The following GTF2I variants were observed in gnomAD, a reference collection of about 807,000 sequenced individuals.
GTF2I encodes the protein general transcription factor IIi.
A neutral mutation model predicts 67.6 loss-of-function variants in GTF2I; 12 were observed. The ratio of observed to expected loss-of-function variants is 0.18; its 90% confidence interval spans 0.11 to 0.29. The LOEUF is 0.29. Ranked by LOEUF, GTF2I falls within the 10% of genes least tolerant of loss-of-function variation. The pLI is 1.00. For synonymous variants in GTF2I, 149 were observed against 197.0 expected (o/e 0.76, Z 2.04); for missense variants, 271 against 580.1 (o/e 0.47, Z 5.47).
intron 2 of GTF2I, among the ~76,000 whole-genome samples, chr7:74,689,615 A>C (rs1374041633): frequency 6.6e-6 from 1 of 151,680 alleles, no homozygotes; most frequent in East Asian, 1.9e-4. Context: ...CAGCCGCCCA[A>C]AGTGCTGGGA....
chr7:74,664,638 G>C (rs1804810846), intron 1 of GTF2I, among the ~76,000 whole-genome samples: 1 of 151,986 alleles, frequency 6.6e-6, no homozygotes, highest in South Asian at 2.1e-4. Flanking sequence ...TCACCATGTT[G>C]GCCAGGCTGG....
At chr7:74,727,189 T>C (rs1176981755) in intron 12 of GTF2I, 1 of 152,224 alleles carries the variant, frequency 6.6e-6, no homozygotes, top group African/African-American at 2.4e-5. Flanking sequence ...TCCAGTTGAT[T>C]AGCACGGCCA....
intron 14 of GTF2I, among the ~76,000 whole-genome samples, chr7:74,732,215 A>T (rs1194194169): frequency 1.3e-5 from 2 of 151,040 alleles, no homozygotes; most frequent in Non-Finnish European, 1.5e-5. Flanking sequence ...TCTACTAAAA[A>T]TACAAAAAAT....
intron 1 of GTF2I, among the ~76,000 whole-genome samples, chr7:74,658,551 G>A (rs1554384794): frequency 1.3e-5 from 2 of 150,068 alleles, no homozygotes; most frequent in African/African-American, 4.9e-5. Context: ...TCGTGGGGTC[G>A]CGCTCGCCTG....
intron 1 of GTF2I, among the ~76,000 whole-genome samples, chr7:74,665,582 C>T (rs1804907171): frequency 6.6e-6 from 1 of 152,120 alleles, no homozygotes; most frequent in African/African-American, 2.4e-5. Flanking sequence ...GATAATAGAA[C>T]ATGTTTCGCT....
At chr7:74,700,577 A>G (rs1554399620) in intron 5 of GTF2I, 29 bp from the exon 6 acceptor site, 5 of 1,612,000 alleles carry the variant, frequency 3.1e-6, no homozygotes, top group African/African-American at 1.3e-5. Flanking sequence ...TATTCATACG[A>G]AGTTTTGTTT....
At chr7:74,661,404 G>C (rs13235318) in intron 1 of GTF2I, among the ~76,000 whole-genome samples, 1 of 152,320 alleles carries the variant, frequency 6.6e-6, no homozygotes, top group East Asian at 1.9e-4. Flanking sequence ...TCTTGGCCGG[G>C]TGCGGTGGCT....
intron 1 of GTF2I, among the ~76,000 whole-genome samples, chr7:74,676,749 T>A (rs1805938304): frequency 6.6e-6 from 1 of 152,060 alleles, no homozygotes; most frequent in African/African-American, 2.4e-5. Context: ...AGGGAGAACA[T>A]GGAAATATTA....
At chr7:74,710,768 A>G (rs945776371) in intron 8 of GTF2I, among the ~76,000 whole-genome samples, 1 of 152,190 alleles carries the variant, frequency 6.6e-6, no homozygotes, top group Non-Finnish European at 1.5e-5. Context: ...ATTTTCTTTG[A>G]TTCTAAAGAT....
chr7:74,724,941 A>T (rs922841670), intron 12 of GTF2I, among the ~76,000 whole-genome samples: 1 of 152,194 alleles, frequency 6.6e-6, no homozygotes, highest in Non-Finnish European at 1.5e-5. Context: ...AAAATAAAAT[A>T]AAATATCTTA....
intron 1 of GTF2I, among the ~76,000 whole-genome samples, chr7:74,683,310 C>T (rs1349232774): frequency 6.6e-6 from 1 of 152,120 alleles, no homozygotes; most frequent in Non-Finnish European, 1.5e-5. Context: ...TTCTCAATAG[C>T]GACAGTGGAA....
At chr7:74,712,487 AGTGTGTGTGTGT>A (rs142200093) in intron 9 of GTF2I, among the ~76,000 whole-genome samples, 19,905 of 131,782 alleles carry the variant, frequency 0.15, 2,851 homozygotes, top group African/African-American at 0.39. Context: ...TTCTCCCGGG[AGTGTGTGTGTGT>A]GTGTGTGTGT....
chr7:74,689,705 A>G (rs200623871), intron 2 of GTF2I, among the ~76,000 whole-genome samples: 1 of 150,688 alleles, frequency 6.6e-6, no homozygotes, highest in Non-Finnish European at 1.5e-5. Context: ...TTCACATCAC[A>G]GTCATTCATT....
At chr7:74,731,006 C>T (rs587689389) in intron 14 of GTF2I, among the ~76,000 whole-genome samples, 25 of 143,848 alleles carry the variant, frequency 1.7e-4, no homozygotes, top group Middle Eastern at 3.5e-3. Flanking sequence ...CCTTCCCGGC[C>T]ACTGCTTTTA....
At chr7:74,752,442 ACGGTGGCTCAC>A (rs1795856342) in intron 28 of GTF2I, among the ~76,000 whole-genome samples, 1 of 150,274 alleles carries the variant, frequency 6.7e-6, no homozygotes, top group South Asian at 2.2e-4. Flanking sequence ...GAGACCGGGC[ACGGTGGCTCAC>A]GCCTGTAATC....
At chr7:74,692,670 C>A (rs1172521370) in intron 3 of GTF2I, among the ~76,000 whole-genome samples, 1 of 152,154 alleles carries the variant, frequency 6.6e-6, no homozygotes, top group African/African-American at 2.4e-5. Context: ...CTGATTGATA[C>A]AGCATTTTCT....
chr7:74,726,367 G>C (rs1290229924), intron 12 of GTF2I: 2 of 152,130 alleles, frequency 1.3e-5, no homozygotes, highest in African/African-American at 4.8e-5. Flanking sequence ...GGAAAATCGG[G>C]TTTTTTAAAA....
intron 19 of GTF2I, among the ~76,000 whole-genome samples, chr7:74,739,024 C>CTTT (rs1278776135): frequency 8.7e-5 from 2 of 23,080 alleles, no homozygotes; most frequent in African/African-American, 1.1e-4. Context: ...TCTTTCCTAT[C>CTTT]TTTTTTTTTT....
At chr7:74,680,449 A>T (rs1787178127) in intron 1 of GTF2I, among the ~76,000 whole-genome samples, 4 of 151,024 alleles carry the variant, frequency 2.6e-5, no homozygotes, top group South Asian at 4.2e-4. Context: ...ACTATAAAAT[A>T]TTTTTTTTTG....
Sources: gnomAD v4.1 joint callset for allele counts (sites outside exome capture counted in the v4.1 genomes callset) on GRCh38, gnomAD v4.1.1 for gene constraint, MANE v1.5 for transcripts, NCBI Gene and HGNC (gene_info 2026-07-23, HGNC 2026-07-21) for gene names.